Variants in SLIT2 observed in about 807,000 individuals in gnomAD.
The protein encoded by SLIT2 is slit homolog 2 protein.
In SLIT2, 41 loss-of-function variants were observed where a neutral mutation model predicts 185.7. That is an observed-to-expected ratio of 0.22 (90% CI 0.17 to 0.29). The LOEUF is 0.29. Ranked by LOEUF, SLIT2 falls within the 10% of genes least tolerant of loss-of-function variation. The probability of loss-of-function intolerance (pLI) is 1.00; values close to 1 mark genes in which losing one functional copy is unlikely to be tolerated. For synonymous variants in SLIT2, 693 were observed against 680.2 expected (o/e 1.02, Z -0.29); for missense variants, 1,571 against 1,909.0 (o/e 0.82, Z 3.30).
chr4:20,332,409 A>T (rs1232104454), intron 4 of SLIT2, among the ~76,000 whole-genome samples: 1 of 152,140 alleles, frequency 6.6e-6, no homozygotes, highest in Admixed American at 6.6e-5. Flanking sequence ...GTAATAGACA[A>T]GTTAAAACGA....
chr4:20,294,231 C>A (rs527879405), intron 4 of SLIT2, among the ~76,000 whole-genome samples: 156 of 151,956 alleles, frequency 1.0e-3, no homozygotes, highest in African/African-American at 3.6e-3. Context: ...GCCTGTAATC[C>A]CAGCTACATC....
At chr4:20,389,258 AATT>A (rs754143358) in intron 4 of SLIT2, among the ~76,000 whole-genome samples, 4 of 151,864 alleles carry the variant, frequency 2.6e-5, no homozygotes, top group Non-Finnish European at 5.9e-5. Flanking sequence ...ATATTATTGT[AATT>A]ATTATTATTG....
intron 4 of SLIT2, among the ~76,000 whole-genome samples, chr4:20,414,925 T>C (rs1314793996): frequency 6.6e-6 from 1 of 152,192 alleles, no homozygotes; most frequent in Non-Finnish European, 1.5e-5. Flanking sequence ...CATCAAATTT[T>C]GGAAGTTTTC....
chr4:20,261,671 AT>A (rs1473240212), intron 3 of SLIT2, among the ~76,000 whole-genome samples: 1 of 151,834 alleles, frequency 6.6e-6, no homozygotes, highest in African/African-American at 2.4e-5. Flanking sequence ...AGTTTTTGAA[AT>A]TTTTTAGGGT....
chr4:20,314,944 A>G (rs1463356256), intron 4 of SLIT2, among the ~76,000 whole-genome samples: 1 of 152,030 alleles, frequency 6.6e-6, no homozygotes, highest in Non-Finnish European at 1.5e-5. Flanking sequence ...GGGGAATATA[A>G]GCACATTTCT....
At chr4:20,550,458 T>G (rs1274607529) in intron 24 of SLIT2, among the ~76,000 whole-genome samples, 2 of 152,042 alleles carry the variant, frequency 1.3e-5, no homozygotes, top group Admixed American at 1.3e-4. Flanking sequence ...AATATTTTAT[T>G]GTTTGGATAT....
chr4:20,504,705 T>C (rs1719036534), intron 9 of SLIT2, among the ~76,000 whole-genome samples: 1 of 152,134 alleles, frequency 6.6e-6, no homozygotes, highest in African/African-American at 2.4e-5. Context: ...GTGAGATTTA[T>C]ATATACACAT....
chr4:20,254,093 A>G lies in SLIT2; in HGVS notation c.179+99A>G. The G allele has an allele frequency of 8.4e-7, 1 of 1,196,698 alleles. No individual in the cohort carries two copies. Among genetic ancestry groups the G allele is most frequent in the Non-Finnish European group, 1.2e-6 (1 of 845,962 alleles). 74.1% of individuals were successfully genotyped at this position (1,196,698 alleles called of 1,614,324 possible). ...CAGCTCAGGGTCCTGTGCCTGGGGC[A>G]GCCCTCGCTAGCTCTCCCCCATGCA... On this transcript the variant is annotated intron_variant, in intron 1 of 36. Coordinates refer to ENST00000504154, the MANE Select transcript of SLIT2 (RefSeq NM_004787.4). The surrounding 1 kb of genome is among the most constrained non-coding windows in gnomAD (Gnocchi z 5.1).
At chr4:20,307,992 T>C (rs1267543921) in intron 4 of SLIT2, among the ~76,000 whole-genome samples, 1 of 152,178 alleles carries the variant, frequency 6.6e-6, no homozygotes, top group Non-Finnish European at 1.5e-5. Context: ...TAAAATACTC[T>C]ACTGTCTTTG....
chr4:20,312,811 A>G (rs2109139363), intron 4 of SLIT2, among the ~76,000 whole-genome samples: 1 of 150,612 alleles, frequency 6.6e-6, no homozygotes, highest in East Asian at 1.9e-4. Flanking sequence ...AAGAAAACAT[A>G]TTTTAGAGTA....
intron 4 of SLIT2, among the ~76,000 whole-genome samples, chr4:20,412,632 TAATTTTTAAATAA>T (rs1560401203): frequency 6.6e-6 from 1 of 152,098 alleles, no homozygotes; most frequent in Admixed American, 6.5e-5. Context: ...TTATTACTCA[TAATTTTTAAATAA>T]AATTTTTAAA....
rs1713304920 is a variant in SLIT2 at position 20,268,856 on chromosome 4, C to A, written c.370C>A (p.Leu124Ile). The A allele has an allele frequency of 6.2e-7, 1 of 1,609,744 alleles. No individual in the cohort carries two copies. Among genetic ancestry groups the A allele is most frequent in the African/African-American group, 1.3e-5 (1 of 74,858 alleles). The change falls in exon 4 of 37, where the codon CTT (leucine) becomes ATT (isoleucine). Residue 124 changes from leucine (L) to isoleucine (I), a missense_variant. By Grantham distance (5) the Leu-to-Ile change is conservative. Coordinates refer to ENST00000504154, the MANE Select transcript of SLIT2 (RefSeq NM_004787.4). ...HLQLFPELLF[L>I]GTAKLYRLDL... ...TCAGCTGTTTCCTGAGTTGCTGTTT[C>A]TTGGGACTGCGAAGCTATACAGGCT...
chr4:20,417,555 C>A (rs749843913), intron 4 of SLIT2, among the ~76,000 whole-genome samples: 5 of 150,642 alleles, frequency 3.3e-5, no homozygotes, highest in African/African-American at 4.9e-5. Context: ...TAGAGTCTTG[C>A]TCTGTCACCA....
At chr4:20,551,874 G>A (rs978180804) in intron 25 of SLIT2, among the ~76,000 whole-genome samples, 3 of 152,102 alleles carry the variant, frequency 2.0e-5, no homozygotes, top group African/African-American at 7.2e-5. Context: ...AAAAGTCTAC[G>A]CTTTTACATC....
chr4:20,532,416 A>G (rs1267510248), intron 17 of SLIT2, among the ~76,000 whole-genome samples: 2 of 151,860 alleles, frequency 1.3e-5, no homozygotes, highest in African/African-American at 2.4e-5. Context: ...CATGTCAACT[A>G]TTGGACTTTT....
chr4:20,499,658 C>T (rs1577792673), intron 9 of SLIT2, among the ~76,000 whole-genome samples: 1 of 151,986 alleles, frequency 6.6e-6, no homozygotes, highest in East Asian at 1.9e-4. Flanking sequence ...CCAGCTAGTT[C>T]TTTGTATTTT....
intron 3 of SLIT2, among the ~76,000 whole-genome samples, chr4:20,258,724 A>T (rs893633537): frequency 6.6e-6 from 1 of 151,718 alleles, no homozygotes; most frequent in South Asian, 2.1e-4. Context: ...TACGAATTGT[A>T]TGTCTTACAT....
chr4:20,319,720 A>T (rs1277108250), intron 4 of SLIT2, among the ~76,000 whole-genome samples: 2 of 151,930 alleles, frequency 1.3e-5, no homozygotes, highest in African/African-American at 2.4e-5. Flanking sequence ...ATATATTTCC[A>T]TCTTAGTTAT....
chr4:20,305,374 G>A (rs1175562918), intron 4 of SLIT2, among the ~76,000 whole-genome samples: 2 of 152,134 alleles, frequency 1.3e-5, no homozygotes, highest in South Asian at 4.1e-4. Flanking sequence ...TGAAAAAACT[G>A]AAATTAATGA....
Sources: allele counts gnomAD v4.1 joint callset (sites outside exome capture counted in the v4.1 genomes callset), GRCh38; gene constraint gnomAD v4.1.1; non-coding constraint Gnocchi (gnomAD v3.1); transcripts MANE v1.5; gene names NCBI Gene and HGNC (gene_info 2026-07-23, HGNC 2026-07-21).